The following CHRNB1 variants were observed in gnomAD, a reference collection of about 807,000 sequenced individuals.
The protein encoded by CHRNB1 is cholinergic receptor nicotinic beta 1 subunit.
In CHRNB1, 47 loss-of-function variants were observed where a neutral mutation model predicts 53.8. The observed-to-expected ratio is 0.87, with a 90% CI of 0.69 to 1.11. CHRNB1 has a LOEUF of 1.11. Ranked by LOEUF, CHRNB1 falls within the 50% of genes most tolerant of loss-of-function variation. The pLI is 0.00. For synonymous variants in CHRNB1, 259 were observed against 263.5 expected (o/e 0.98, Z 0.16); for missense variants, 605 against 654.9 (o/e 0.92, Z 0.83).
chr17:7,456,049 C>CAT, intron 10 of CHRNB1, 108 bp downstream of exon 10: 1 of 527,668 alleles, frequency 1.9e-6, no homozygotes, highest in Non-Finnish European at 2.8e-6. Context: ...TTTTTTTTGG[C>CAT]TTTTTTTTTT....
chr17:7,450,555 G>A (rs1908848888), intron 7 of CHRNB1, among the ~76,000 whole-genome samples: 1 of 152,158 alleles, frequency 6.6e-6, no homozygotes, highest in Admixed American at 6.5e-5. Context: ...ACTATGCCTG[G>A]CACCCAGTAA....
At position 7,455,403 on chromosome 17, in the gene CHRNB1, T is replaced by C. The variant is rs781734050; in HGVS notation, c.1164T>C (p.Asp388=). The change falls in exon 9 of 11, where the codon GAT becomes GAC. Residue 388 remains aspartate (D), a synonymous_variant. Transcript: ENST00000306071. ...GAAGTGGCTGGGGTCGGGGAACAGA[T>C]GAATATTTCATCCGGAAGCCGCCAA... ...SPGSGWGRGT[D]EYFIRKPPSD... 2 of 1,614,030 alleles carry C rather than the reference T, an allele frequency of 1.2e-6. No homozygotes were observed. The highest frequency in any genetic ancestry group is 1.7e-4 in the Middle Eastern group (1 of 6,052).
At position 7,447,642 on chromosome 17, in the gene CHRNB1, C is replaced by CT. The variant is rs1447564693; in HGVS notation, c.605dup (p.Ile203HisfsTer2). On this transcript the variant is annotated frameshift_variant, in exon 6 of 11. Coordinates refer to ENST00000306071, the MANE Select transcript of CHRNB1 (RefSeq NM_000747.3). LOFTEE classifies it high-confidence loss of function. ...CAGGAAATCCACATTCATGAAGGGA[C>CT]TTTCATTGGTGAGTAGGCATGGCTC... is the stretch of plus-strand genomic sequence containing the variant. 8.1e-6 allele frequency: 13 copies of CT among 1,614,088 alleles called. No homozygotes were observed. Among genetic ancestry groups the CT allele is most frequent in the Non-Finnish European group, 1.1e-5 (13 of 1,180,040 alleles).
In CHRNB1 at chr17:7,456,653, C is replaced by T; in HGVS notation, c.1436C>T (p.Thr479Ile). The change falls in exon 11 of 11, where the codon ACC becomes ATC. Residue 479 changes from threonine to isoleucine, a missense_variant. Coordinates refer to ENST00000306071, the MANE Select transcript of CHRNB1 (RefSeq NM_000747.3). ...RLFLWTFIIF[T>I]SVGTLVIFLD... is the part of the protein sequence containing the mutation. ...TTCCTGTGGACTTTCATCATCTTCA[C>T]CAGCGTTGGGACCCTAGTCATCTTC... 1 of 1,614,168 alleles carries T rather than the reference C, an allele frequency of 6.2e-7. No homozygotes were observed. Among genetic ancestry groups the T allele is most frequent in the Non-Finnish European group, 8.5e-7 (1 of 1,180,034 alleles).
rs1197471776 is a variant in CHRNB1, at chr17:7,457,207, C to T, written c.*484C>T. 3 of 168,730 alleles carry T rather than the reference C, an allele frequency of 1.8e-5. No homozygotes were observed. The highest frequency in any genetic ancestry group is 7.2e-5 in the African/African-American group (3 of 41,696). The allele number at this position is 168,730 out of a possible 1,614,324, so 10.5% of individuals were successfully genotyped here. A position where few individuals can be genotyped will look rare whatever the true frequency, so the allele number is the denominator to read the frequency against. ...TGGTACATGCCTGTAATCCCAGCTACTAGGGAGGCTGAGGCAGGAGAATCA... is the reference window on the plus strand; with the variant it reads ...TGGTACATGCCTGTAATCCCAGCTATTAGGGAGGCTGAGGCAGGAGAATCA... On this transcript the variant is annotated 3_prime_UTR_variant, in exon 11 of 11. Coordinates refer to ENST00000306071, the MANE Select transcript of CHRNB1 (RefSeq NM_000747.3).
rs2069959350 is a variant in CHRNB1, at chr17:7,457,013, T to A, written c.*290T>A. Reference sequence around the variant, plus strand: ...AGAACAGGAACTAGATTATAAGCCTTATGAGGTCAAGAAATGTGACTTGGC... The same window carrying A: ...AGAACAGGAACTAGATTATAAGCCTAATGAGGTCAAGAAATGTGACTTGGC... On this transcript the variant is annotated 3_prime_UTR_variant, in exon 11 of 11. Coordinates refer to ENST00000306071, the MANE Select transcript of CHRNB1 (RefSeq NM_000747.3). 3 of 423,320 alleles carry A rather than the reference T, an allele frequency of 7.1e-6. No homozygotes were observed. The highest frequency in any genetic ancestry group is 1.3e-5 in the Non-Finnish European group (3 of 228,402). The allele number at this position is 423,320 out of a possible 1,614,324, so 26.2% of individuals were successfully genotyped here. A position where few individuals can be genotyped will look rare whatever the true frequency, so the allele number is the denominator to read the frequency against.
At chr17:7,452,731 C>T (rs1908934230) in intron 7 of CHRNB1, among the ~76,000 whole-genome samples, 1 of 152,148 alleles carries the variant, frequency 6.6e-6, no homozygotes, top group African/African-American at 2.4e-5. Context: ...TGCAATTAAA[C>T]GTAGGTATAG....
chr17:7,449,767 G>A (rs1012585145), intron 7 of CHRNB1, among the ~76,000 whole-genome samples: 11 of 151,728 alleles, frequency 7.2e-5, no homozygotes, highest in East Asian at 3.9e-4. Flanking sequence ...AATAGCCACC[G>A]GGCGCGGTGG....
chr17:7,450,040 AAAATAAATAAATAAAT>A (rs201151995), intron 7 of CHRNB1, among the ~76,000 whole-genome samples: 12 of 142,968 alleles, frequency 8.4e-5, no homozygotes, highest in African/African-American at 2.1e-4. Flanking sequence ...TCTGTCTCAA[AAAATAAATAAATAAAT>A]AAATAAATAA....
rs528936191 is a variant in CHRNB1, at chr17:7,456,049, C to CTT, written c.1365+130_1365+131dup. On this transcript the variant is annotated intron_variant, in intron 10 of 10. Transcript: ENST00000306071. ...TTTTTTTTGTGTGGTTTTTTTTTGG[C>CTT]TTTTTTTTTTTTTTTTTTTTTTTGA... 9,497 of 515,078 alleles carry CTT rather than the reference C, an allele frequency of 0.018. 147 individuals are homozygous for CTT. Among genetic ancestry groups the CTT allele is most frequent in the African/African-American group, 0.066 (1,896 of 28,770 alleles). 31.9% of individuals were successfully genotyped at this position (515,078 alleles called of 1,614,324 possible).
chr17:7,446,290 T>A, intron 3 of CHRNB1, 177 bp downstream of exon 3: 1 of 649,276 alleles, frequency 1.5e-6, no homozygotes, highest in Non-Finnish European at 2.8e-6. Flanking sequence ...CCCATGCATT[T>A]TTAATTCCAA....
At chr17:7,446,167 T>C in intron 3 of CHRNB1, 54 bp downstream of exon 3, 1 of 1,428,648 alleles carries the variant, frequency 7.0e-7, no homozygotes, top group South Asian at 1.1e-5. Flanking sequence ...GACAATTTCC[T>C]TGAATATCCA....
Position 7,445,954 on chromosome 17 carries a change from G to T in CHRNB1, c.199-115G>T. On this transcript the variant is annotated intron_variant, in intron 2 of 10. Transcript: ENST00000306071. The surrounding 1 kb of genome is among the most constrained non-coding windows in gnomAD (Gnocchi z 5.7). The stretch of plus-strand genomic sequence containing the variant: ...TTCTGGGAGGTGGACTTGGACCCGA[G>T]AGGATGGGGCTCAGAAAAAGGGGGC... 1 of 916,458 alleles carries T rather than the reference G, an allele frequency of 1.1e-6. No individual in the cohort carries two copies. The highest frequency in any genetic ancestry group is 1.8e-6 in the Non-Finnish European group (1 of 551,976). 56.8% of individuals were successfully genotyped at this position (916,458 alleles called of 1,614,324 possible).
At chr17:7,451,211 A>AG (rs1307024637) in intron 7 of CHRNB1, among the ~76,000 whole-genome samples, 4 of 151,588 alleles carry the variant, frequency 2.6e-5, no homozygotes, top group Non-Finnish European at 4.4e-5. Flanking sequence ...AGAACAGGCA[A>AG]GTGAGTTTCA....
chr17:7,455,331 A>C lies in CHRNB1; in HGVS notation c.1092A>C (p.Lys364Asn). ...TGTACCTGCGTCTAAAAAGGCCCAA[A>C]CCCGAGAGAGACCTGATGCCGGAGC... Reference protein sequence around the residue: ...LPLYLRLKRPKPERDLMPEPP... With the variant: ...LPLYLRLKRPNPERDLMPEPP... Residue 364 changes from lysine (K) to asparagine (N), a missense_variant, in exon 9 of 11, where the codon AAA becomes AAC. Transcript: ENST00000306071. The C allele has an allele frequency of 6.2e-7, 1 of 1,613,902 alleles. No homozygotes were observed. The highest frequency in any genetic ancestry group is 8.5e-7 in the Non-Finnish European group (1 of 1,179,982).
rs953060012 is a variant in CHRNB1 at position 7,445,740 on chromosome 17, T to G, written c.199-329T>G. On this transcript the variant is annotated intron_variant, in intron 2 of 10. Coordinates refer to ENST00000306071, the MANE Select transcript of CHRNB1 (RefSeq NM_000747.3). The surrounding 1 kb of genome is among the most constrained non-coding windows in gnomAD (Gnocchi z 5.7). ...GTGCCCAGGGTGGGGCGGAGCTTGG[T>G]GCTCAGGGGTCAATAAATGGCAGCG... 2 of 760,128 alleles carry G rather than the reference T, an allele frequency of 2.6e-6. No homozygotes were observed. The highest frequency in any genetic ancestry group is 2.0e-6 in the Non-Finnish European group (1 of 488,196). The allele number at this position is 760,128 out of a possible 1,614,324, so 47.1% of individuals were successfully genotyped here.
In CHRNB1 at chr17:7,455,315, G is replaced by A; in HGVS notation, c.1076G>A (p.Arg359His). The A allele has an allele frequency of 6.2e-7, 1 of 1,614,086 alleles. No individual in the cohort carries two copies. The highest frequency in any genetic ancestry group is 8.5e-7 in the Non-Finnish European group (1 of 1,180,020). The change falls in exon 9 of 11, where the codon CGT (arginine) becomes CAT (histidine). Residue 359 changes from arginine to histidine, a missense_variant. Transcript: ENST00000306071. ...ATTCACAAACTTCCGCTGTACCTGC[G>A]TCTAAAAAGGCCCAAACCCGAGAGA... ...IFIHKLPLYLRLKRPKPERDL... is the reference protein window; with the variant it reads ...IFIHKLPLYLHLKRPKPERDL...
Position 7,456,865 on chromosome 17 carries a change from T to G in CHRNB1, c.*142T>G, listed in dbSNP as rs964929592. The G allele has an allele frequency of 2.7e-6, 3 of 1,118,736 alleles. No individual in the cohort carries two copies. The highest frequency in any genetic ancestry group is 3.9e-6 in the Non-Finnish European group (3 of 769,706). 69.3% of individuals were successfully genotyped at this position (1,118,736 alleles called of 1,614,324 possible). A position where few individuals can be genotyped will look rare whatever the true frequency, so the allele number is the denominator to read the frequency against. ...TTCGTTTCTGGGGACTGCATTGGAC[T>G]GAGGGCTGGGTAGGCAGGTGTCTTG... On this transcript the variant is annotated 3_prime_UTR_variant, in exon 11 of 11. Transcript: ENST00000306071.
intron 9 of CHRNB1, 102 bp from the exon 10 acceptor site, chr17:7,455,692 G>A (rs951193182): frequency 6.6e-7 from 1 of 1,512,386 alleles, no homozygotes; most frequent in Non-Finnish European, 9.2e-7. Context: ...GGGCTCTCGG[G>A]TTTTGAGAAC....
Sources: allele counts gnomAD v4.1 joint callset (sites outside exome capture counted in the v4.1 genomes callset), GRCh38; gene constraint gnomAD v4.1.1; non-coding constraint Gnocchi (gnomAD v3.1); transcripts MANE v1.5; gene names NCBI Gene and HGNC (gene_info 2026-07-23, HGNC 2026-07-21).